The following MRNIP variants were observed in gnomAD, a reference collection of about 807,000 sequenced individuals.
MRNIP encodes MRN complex interacting protein, also known as MRN complex-interacting protein.
A neutral mutation model predicts 29.8 loss-of-function variants in MRNIP; 30 were observed. The ratio of observed to expected loss-of-function variants is 1.01; its 90% CI spans 0.75 to 1.36. The LOEUF is 1.36. MRNIP is among the 40% of genes most tolerant of loss of function. The pLI is 0.00. For missense variants in MRNIP, 459 were observed against 423.5 expected, an observed-to-expected ratio of 1.08 and a Z score of -0.74; for synonymous variants, 201 against 164.1, an observed-to-expected ratio of 1.23 and a Z score of -1.72.
At chr5:179,842,525 AAC>A (rs1299717769) in intron 4 of MRNIP, among the ~76,000 whole-genome samples, 14 of 145,694 alleles carry the variant, frequency 9.6e-5, no homozygotes, top group African/African-American at 2.9e-4. Context: ...CTAAAAAAAA[AAC>A]AACAACAAAA....
chr5:179,846,731 ACTT>A lies in MRNIP; in HGVS notation c.215+1244_215+1246del, dbSNP rs148114144. Among the ~76,000 whole-genome samples, 5 of 152,156 alleles carry A rather than the reference ACTT, an allele frequency of 3.3e-5. No individual in the cohort carries two copies. The East Asian group carries it at 9.7e-4, about 29-fold the overall frequency. On this transcript the variant is annotated intron_variant, in intron 3 of 6. Transcript: ENST00000292586. ...TAAAAGGCTGAAAAACCATGCAACTACTTCCTTTTATTTCCAAAATCTTAGAGA... is the reference window on the plus strand; with the variant it reads ...TAAAAGGCTGAAAAACCATGCAACTACCTTTTATTTCCAAAATCTTAGAGA...
chr5:179,840,962 G>A lies in MRNIP; in HGVS notation c.450-3C>T, dbSNP rs751082875. On this transcript the variant is annotated splice_region_variant and splice_polypyrimidine_tract_variant and intron_variant, in intron 5 of 6. Transcript: ENST00000292586. The stretch of plus-strand genomic sequence containing the variant: ...GGACGGTGCTCCTGCTCCACTTCCT[G>A]TCAGGACAGGACCGTCAGTAGTCCC... The A allele has an allele frequency of 6.3e-6, 10 of 1,595,856 alleles. No individual in the cohort carries two copies. The highest frequency in any genetic ancestry group is 8.5e-6 in the Non-Finnish European group (10 of 1,170,512).
intron 2 of MRNIP, chr5:179,851,319 G>A (rs1377297608): frequency 4.4e-6 from 2 of 456,082 alleles, no homozygotes; most frequent in East Asian, 6.9e-5. Flanking sequence ...GTCAGCCTGG[G>A]CCAACCAGGT....
intron 2 of MRNIP, among the ~76,000 whole-genome samples, 154 bp from the exon 3 acceptor site, chr5:179,848,220 T>C (rs1759210151): frequency 6.6e-6 from 1 of 152,210 alleles, no homozygotes; most frequent in Admixed American, 6.5e-5. Context: ...GACTGACGGC[T>C]GTCTCTAGAA....
At chr5:179,852,239 T>C (rs138275704) in intron 2 of MRNIP, among the ~76,000 whole-genome samples, 1 of 151,728 alleles carries the variant, frequency 6.6e-6, no homozygotes, top group African/African-American at 2.4e-5. Flanking sequence ...TGAGCCGAGA[T>C]TGCGCCACTG....
At chr5:179,856,154 C>G (rs1213639897) in intron 1 of MRNIP, among the ~76,000 whole-genome samples, 1 of 151,932 alleles carries the variant, frequency 6.6e-6, no homozygotes, top group Admixed American at 6.6e-5. Flanking sequence ...GATCTGCCCC[C>G]CTCGGCCTCC....
chr5:179,855,772 T>C (rs1316992373), intron 1 of MRNIP, among the ~76,000 whole-genome samples: 1 of 152,150 alleles, frequency 6.6e-6, no homozygotes, highest in Admixed American at 6.5e-5. Flanking sequence ...TCCAAAAGGA[T>C]TCTAAGGAGG....
At chr5:179,858,315 G>A (rs115204659) in intron 1 of MRNIP, among the ~76,000 whole-genome samples, 1,608 of 152,300 alleles carry the variant, frequency 0.011, 31 homozygotes, top group African/African-American at 0.037. Context: ...GGAAACGGAC[G>A]GCGGCAGAGG....
intron 1 of MRNIP, among the ~76,000 whole-genome samples, chr5:179,853,870 G>A (rs544406721): frequency 1.3e-5 from 2 of 151,968 alleles, no homozygotes; most frequent in South Asian, 2.1e-4. Context: ...GTACCACCAC[G>A]CCCAGCTAAT....
At chr5:179,854,482 G>C (rs1232474219) in intron 1 of MRNIP, among the ~76,000 whole-genome samples, 8 of 152,162 alleles carry the variant, frequency 5.3e-5, no homozygotes, top group Admixed American at 2.6e-4. Flanking sequence ...CTGGCTATCT[G>C]TATGAAACAC....
intron 3 of MRNIP, chr5:179,846,164 A>G (rs749220160): frequency 2.6e-5 from 4 of 152,086 alleles, no homozygotes; most frequent in Non-Finnish European, 5.9e-5. Context: ...TGAAGTCTTT[A>G]TGGGTCTGAC....
chr5:179,856,364 C>T (rs1360992618), intron 1 of MRNIP, among the ~76,000 whole-genome samples: 1 of 152,148 alleles, frequency 6.6e-6, no homozygotes, highest in African/African-American at 2.4e-5. Flanking sequence ...GGGAATGATG[C>T]CTAAGTCAAA....
rs374753824 is a variant in MRNIP at position 179,845,285 on chromosome 5, C to T, written c.216-1058G>A. ...CACAATCTTGGCTCACTGCAACCTC[C>T]GCCTCCTGGGTTCAAGTGATTTCCA... On this transcript the variant is annotated intron_variant, in intron 3 of 6. Coordinates refer to ENST00000292586, the MANE Select transcript of MRNIP (RefSeq NM_016175.4). Among the ~76,000 whole-genome samples, 59 of 151,852 alleles carry T rather than the reference C, an allele frequency of 3.9e-4. 1 individual carries two copies. In the South Asian group the frequency reaches 0.01, roughly 27 times the overall value.
At position 179,840,926 on chromosome 5, in the gene MRNIP, G is replaced by A; in HGVS notation, c.483C>T (p.Cys161=). The change falls in exon 6 of 7, where the codon TGC becomes TGT. Residue 161 remains cysteine, a synonymous_variant. Coordinates refer to ENST00000292586, the MANE Select transcript of MRNIP (RefSeq NM_016175.4). ...CACCCGAGTCCTGCACGCCACGGCT[G>A]CACGGAGGCTGGACGGTGCTCCTGC... ...KWSRSTVQPP[C]SRGVQDSGGS... 1 of 1,611,070 alleles carries A rather than the reference G, an allele frequency of 6.2e-7. No individual in the cohort carries two copies.
chr5:179,855,158 T>C (rs1301431396), intron 1 of MRNIP, among the ~76,000 whole-genome samples: 2 of 151,928 alleles, frequency 1.3e-5, no homozygotes, highest in African/African-American at 4.9e-5. Flanking sequence ...ATTTTAATTT[T>C]TTTGAGACGG....
Position 179,840,913 on chromosome 5 carries a change from G to GCACGC in MRNIP, c.491_495dup (p.Gln166AlafsTer21), listed in dbSNP as rs750517591. 1.1e-5 allele frequency: 18 copies of GCACGC among 1,610,274 alleles called. No individual in the cohort carries two copies. The highest frequency in any genetic ancestry group is 1.4e-5 in the Non-Finnish European group (17 of 1,177,776). Reference sequence around the variant, plus strand: ...GCGACCTCAGAGCCACCCGAGTCCTGCACGCCACGGCTGCACGGAGGCTGG... The same window carrying GCACGC: ...GCGACCTCAGAGCCACCCGAGTCCTGCACGCCACGCCACGGCTGCACGGAGGCTGG... On this transcript the variant is annotated frameshift_variant, in exon 6 of 7. Transcript: ENST00000292586. LOFTEE classifies it low-confidence loss of function (END_TRUNC).
At chr5:179,845,113 G>A (rs74332741) in intron 3 of MRNIP, among the ~76,000 whole-genome samples, 1,836 of 152,180 alleles carry the variant, frequency 0.012, 33 homozygotes, top group African/African-American at 0.042. Context: ...GTGTTGCACT[G>A]TGAATAATTT....
chr5:179,856,842 C>T (rs1271629784), intron 1 of MRNIP, among the ~76,000 whole-genome samples: 1 of 151,858 alleles, frequency 6.6e-6, no homozygotes, highest in African/African-American at 2.4e-5. Context: ...GTAGTCCCGG[C>T]ACTTTGGGAG....
rs1758622309 is a variant in MRNIP, at chr5:179,837,308, TAC to T, written c.*81_*82del. ...CAGTAAGTTTATTGTTAATGGTTCT[TAC>T]AGAGTATCTTTAAAAGTGCCTTAGG... On this transcript the variant is annotated 3_prime_UTR_variant, in exon 7 of 7. Coordinates refer to ENST00000292586, the MANE Select transcript of MRNIP (RefSeq NM_016175.4). 6.2e-7 allele frequency: 1 copy of T among 1,600,234 alleles called. No homozygotes were observed. The highest frequency in any genetic ancestry group is 2.2e-5 in the East Asian group (1 of 44,770).
Sources: allele counts gnomAD v4.1 joint callset (sites outside exome capture counted in the v4.1 genomes callset), GRCh38; gene constraint gnomAD v4.1.1; transcripts MANE v1.5; gene names NCBI Gene and HGNC (gene_info 2026-07-23, HGNC 2026-07-21).